Variants in UFL1 observed in about 807,000 individuals in gnomAD.
UFL1 encodes the protein E3 UFM1-protein ligase 1.
UFL1 carries 78 observed loss-of-function variants against 99.3 expected under a neutral mutation model. That is an observed-to-expected ratio of 0.79 (90% CI 0.65 to 0.95). The LOEUF (loss-of-function observed/expected upper bound fraction) is 0.95. Among genes scored for constraint, UFL1 ranks in the 40% least tolerant of loss-of-function variants. The pLI is 0.00. For missense variants in UFL1, 936 were observed against 937.0 expected (o/e 1.00, Z 0.01); for synonymous variants, 335 against 322.2 (o/e 1.04, Z -0.42).
Position 96,532,542 on chromosome 6 carries a change from G to A in UFL1, c.597-1721G>A, listed in dbSNP as rs188539507. Reference sequence around the variant, plus strand: ...TGAATAGATTAATGCCCTCCCACCAGGGTGAGTGAATTATTGTTCTCATGG... The same window carrying A: ...TGAATAGATTAATGCCCTCCCACCAAGGTGAGTGAATTATTGTTCTCATGG... On this transcript the variant is annotated intron_variant, in intron 6 of 18. Coordinates refer to ENST00000369278, the MANE Select transcript of UFL1 (RefSeq NM_015323.5). Among the ~76,000 whole-genome samples the A allele has an allele frequency of 5.6e-4, 86 of 152,316 alleles. 2 individuals carry two copies. The East Asian group carries it at 0.012, about 22-fold the overall frequency.
In UFL1 at chr6:96,528,585, AG is replaced by A. The variant is rs1562251309; in HGVS notation, c.550del (p.Ala184LeufsTer20). The A allele has an allele frequency of 3.1e-6, 5 of 1,613,822 alleles. No individual in the cohort carries two copies. The South Asian group carries it at 5.5e-5, about 18-fold the overall frequency. ...RGVIFTEAFV[A>X]RHKARIRGLF... is the part of the protein sequence containing the mutation. The stretch of plus-strand genomic sequence containing the variant: ...GAGTAATTTTTACGGAAGCTTTTGT[AG>A]CTCGACATAAAGCACGTATCCGTGG... On this transcript the variant is annotated frameshift_variant, in exon 6 of 19. Transcript: ENST00000369278. LOFTEE classifies it high-confidence loss of function.
chr6:96,536,484 C>A, intron 8 of UFL1, 94 bp downstream of exon 8: 1 of 854,614 alleles, frequency 1.2e-6, no homozygotes, highest in Non-Finnish European at 1.6e-6. Context: ...CTCCTTTGAT[C>A]TGTGGGTTAT....
chr6:96,542,305 G>A (rs1582443198), intron 11 of UFL1, among the ~76,000 whole-genome samples: 2 of 151,108 alleles, frequency 1.3e-5, no homozygotes, highest in East Asian at 1.9e-4. Flanking sequence ...CATTTATGAA[G>A]CACGTGTTAT....
In UFL1 at chr6:96,525,388, T is replaced by C; in HGVS notation, c.344T>C (p.Ile115Thr). The C allele has an allele frequency of 6.3e-7, 1 of 1,597,236 alleles. No homozygotes were observed. ...KHVQLVLGQL[I>T]DENYLDRLAE... ...GTTCAGTTAGTGTTGGGACAACTGATAGATGAGTAAGTACAATAAAGTACA... is the reference window on the plus strand; with the variant it reads ...GTTCAGTTAGTGTTGGGACAACTGACAGATGAGTAAGTACAATAAAGTACA... Residue 115 changes from isoleucine to threonine, a missense_variant, in exon 4 of 19, where the codon ATA (isoleucine) becomes ACA (threonine). By Grantham distance (89) the Ile-to-Thr change is moderately conservative (BLOSUM62 -1). Transcript: ENST00000369278.
intron 15 of UFL1, among the ~76,000 whole-genome samples, chr6:96,550,184 C>G (rs905624236): frequency 5.9e-5 from 9 of 151,928 alleles, no homozygotes; most frequent in African/African-American, 1.9e-4. Context: ...TTTTAAAACT[C>G]TAATCTCAAA....
At chr6:96,533,143 T>C (rs940730341) in intron 6 of UFL1, among the ~76,000 whole-genome samples, 1 of 151,998 alleles carries the variant, frequency 6.6e-6, no homozygotes, top group Admixed American at 6.6e-5. Context: ...GCATACTGGC[T>C]TAAAAGGAAT....
intron 5 of UFL1, among the ~76,000 whole-genome samples, chr6:96,527,205 T>C (rs1032801221): frequency 6.6e-6 from 1 of 152,142 alleles, no homozygotes; most frequent in African/African-American, 2.4e-5. Context: ...GCTTTTGAGA[T>C]TTTTAAAAGA....
At chr6:96,544,416 CTT>C (rs946067592) in intron 12 of UFL1, among the ~76,000 whole-genome samples, 17 of 150,600 alleles carry the variant, frequency 1.1e-4, no homozygotes, top group African/African-American at 3.9e-4. Context: ...AAAAAAAAAA[CTT>C]TAAATGATAA....
At chr6:96,532,112 A>G (rs796273240) in intron 6 of UFL1, among the ~76,000 whole-genome samples, 36 of 152,330 alleles carry the variant, frequency 2.4e-4, no homozygotes, top group African/African-American at 8.7e-4. Context: ...GGTATACTAA[A>G]TACGTTGTAT....
chr6:96,528,514 C>A lies in UFL1; in HGVS notation c.478C>A (p.Arg160=). The change falls in exon 6 of 19, where the codon CGA becomes AGA. Residue 160 remains arginine (R), a synonymous_variant. Coordinates refer to ENST00000369278, the MANE Select transcript of UFL1 (RefSeq NM_015323.5). ...GNFLTQALTQ[R]LGRIISGHID... is the part of the protein sequence containing the mutation. ...TCTTTACCCACAGGCACTAACTCAG[C>A]GACTTGGTAGAATTATCAGTGGACA... 6.2e-7 allele frequency: 1 copy of A among 1,612,404 alleles called. No homozygotes were observed. Among genetic ancestry groups the A allele is most frequent in the Non-Finnish European group, 8.5e-7 (1 of 1,179,270 alleles).
At position 96,554,703 on chromosome 6, in the gene UFL1, C is replaced by A. The variant is rs1270869446; in HGVS notation, c.*1200C>A. The A allele has an allele frequency of 6.6e-6, 1 of 152,444 alleles. No individual in the cohort carries two copies. The allele number at this position is 152,444 out of a possible 1,614,324, so 9.4% of individuals were successfully genotyped here. On this transcript the variant is annotated 3_prime_UTR_variant, in exon 19 of 19. Transcript: ENST00000369278. ...ACGAAAAGATCAGTCTACCTCTACT[C>A]CATTCTAGACAAAGTATTAATCCTT...
At chr6:96,541,347 T>A (rs1235372770) in intron 11 of UFL1, among the ~76,000 whole-genome samples, 3 of 151,490 alleles carry the variant, frequency 2.0e-5, no homozygotes, top group Non-Finnish European at 4.4e-5. Context: ...TTTCTTTTTC[T>A]AATCTAAAGT....
At chr6:96,542,219 C>A (rs551822391) in intron 11 of UFL1, among the ~76,000 whole-genome samples, 16 of 151,134 alleles carry the variant, frequency 1.1e-4, no homozygotes, top group African/African-American at 3.9e-4. Flanking sequence ...GCATTTGTTT[C>A]ATAATTTGTT....
chr6:96,527,750 A>G (rs1461558295), intron 5 of UFL1, among the ~76,000 whole-genome samples: 3 of 152,170 alleles, frequency 2.0e-5, no homozygotes, highest in Non-Finnish European at 1.5e-5. Flanking sequence ...CGTAGTTTTT[A>G]ATATGTTTCA....
Position 96,553,598 on chromosome 6 carries a change from C to G in UFL1, c.*95C>G. ...AGTAGTCACTATACAACTCCCCTCT[C>G]CCTGCAAAAACCACCTCATACACAC... is the stretch of plus-strand genomic sequence containing the variant. On this transcript the variant is annotated 3_prime_UTR_variant, in exon 19 of 19. Coordinates refer to ENST00000369278, the MANE Select transcript of UFL1 (RefSeq NM_015323.5). The G allele has an allele frequency of 1.0e-6, 1 of 1,005,010 alleles. No homozygotes were observed. The highest frequency in any genetic ancestry group is 2.6e-5 in the Admixed American group (1 of 38,834). 62.3% of individuals were successfully genotyped at this position (1,005,010 alleles called of 1,614,324 possible). A position where few individuals can be genotyped will look rare whatever the true frequency, so the allele number is the denominator to read the frequency against.
At chr6:96,547,811 G>C (rs112515386) in intron 12 of UFL1, among the ~76,000 whole-genome samples, 33 of 151,396 alleles carry the variant, frequency 2.2e-4, no homozygotes, top group Admixed American at 9.3e-4. Flanking sequence ...GGGAAGTTGG[G>C]GGGGGGCGGT....
chr6:96,551,373 T>A, intron 15 of UFL1, 60 bp from the exon 16 acceptor site: 1 of 893,596 alleles, frequency 1.1e-6, no homozygotes, highest in Non-Finnish European at 1.7e-6. Flanking sequence ...TTTCACTTTA[T>A]CTTATATCCA....
At chr6:96,536,724 A>G (rs900910151) in intron 8 of UFL1, among the ~76,000 whole-genome samples, 4 of 151,790 alleles carry the variant, frequency 2.6e-5, no homozygotes, top group African/African-American at 9.7e-5. Context: ...TACATTTATT[A>G]AGATGGCACT....
At chr6:96,521,973 T>C in intron 1 of UFL1, 23 bp downstream of exon 1, 1 of 1,605,470 alleles carries the variant, frequency 6.2e-7, no homozygotes, top group Non-Finnish European at 8.5e-7. Flanking sequence ...CCCTCTCCTT[T>C]GTGGAGCCCA....
Sources: gnomAD v4.1 joint callset for allele counts (sites outside exome capture counted in the v4.1 genomes callset) on GRCh38, gnomAD v4.1.1 for gene constraint, MANE v1.5 for transcripts, NCBI Gene and HGNC (gene_info 2026-07-23, HGNC 2026-07-21) for gene names.